Variants in PLEKHA2 observed in about 807,000 individuals in gnomAD.
The protein encoded by PLEKHA2 is pleckstrin homology domain-containing family A member 2.
Under a neutral mutation model 53.2 loss-of-function variants are expected in PLEKHA2, and 28 were observed. That is an observed-to-expected ratio of 0.53 (90% confidence interval 0.39 to 0.72). The LOEUF (loss-of-function observed/expected upper bound fraction) is 0.72. PLEKHA2 is among the 30% of genes least tolerant of loss of function. The probability of loss-of-function intolerance (pLI) is 0.00; values close to 1 mark genes in which losing one functional copy is unlikely to be tolerated. For missense variants in PLEKHA2, 426 were observed against 537.9 expected, an observed-to-expected ratio of 0.79 and a Z score of 2.06; for synonymous variants, 193 against 196.4, an observed-to-expected ratio of 0.98 and a Z score of 0.14.
intron 10 of PLEKHA2, among the ~76,000 whole-genome samples, chr8:38,965,679 G>A (rs1835122921): frequency 6.6e-6 from 1 of 152,104 alleles, no homozygotes. Flanking sequence ...CTTTGAGGTA[G>A]GAATTAGCTG....
Position 38,952,683 on chromosome 8 carries a change from C to A in PLEKHA2, c.681C>A (p.Ile227=), listed in dbSNP as rs1394940651. 1 of 1,612,194 alleles carries A rather than the reference C, an allele frequency of 6.2e-7. No individual in the cohort carries two copies. The highest frequency in any genetic ancestry group is 8.5e-7 in the Non-Finnish European group (1 of 1,179,798). ...RRFFALDDFT[I]CYFKCEQDRE... ...TCTTTGCACTTGATGACTTTACCATCTGCTACTTCAAGTGTGAGCAGGTTT... is the reference window on the plus strand; with the variant it reads ...TCTTTGCACTTGATGACTTTACCATATGCTACTTCAAGTGTGAGCAGGTTT... The change falls in exon 8 of 12, where the codon ATC becomes ATA. Residue 227 remains isoleucine (I), a synonymous_variant. Transcript: ENST00000617275.
intron 3 of PLEKHA2, among the ~76,000 whole-genome samples, chr8:38,937,448 G>A (rs1368251817): frequency 6.6e-6 from 1 of 152,194 alleles, no homozygotes; most frequent in East Asian, 1.9e-4. Flanking sequence ...GAACCTCGCA[G>A]TAATAAAGGA....
At chr8:38,948,669 G>C (rs1588265560) in intron 5 of PLEKHA2, among the ~76,000 whole-genome samples, 1 of 152,156 alleles carries the variant, frequency 6.6e-6, no homozygotes, top group East Asian at 1.9e-4. Context: ...TGACAGGGCT[G>C]TCATATAGCT....
intron 2 of PLEKHA2, among the ~76,000 whole-genome samples, chr8:38,919,697 C>A (rs567237512): frequency 6.6e-6 from 1 of 152,184 alleles, no homozygotes; most frequent in Non-Finnish European, 1.5e-5. Context: ...AGAAAAACAG[C>A]ATAGATGCGG....
intron 3 of PLEKHA2, among the ~76,000 whole-genome samples, chr8:38,942,947 G>A (rs189050783): frequency 2.1e-3 from 317 of 152,278 alleles, no homozygotes; most frequent in African/African-American, 7.2e-3. Flanking sequence ...TTATTTTCAT[G>A]GTTAGGCCAT....
intron 3 of PLEKHA2, 84 bp from the exon 4 acceptor site, chr8:38,943,703 CTT>C: frequency 1.9e-6 from 2 of 1,057,802 alleles, no homozygotes; most frequent in Non-Finnish European, 2.7e-6. Context: ...TTAATGTACT[CTT>C]TATATATGAG....
At chr8:38,914,452 C>T (rs545822215) in intron 1 of PLEKHA2, among the ~76,000 whole-genome samples, 13 of 152,332 alleles carry the variant, frequency 8.5e-5, no homozygotes, top group Admixed American at 2.6e-4. Flanking sequence ...CCTGCAGTAC[C>T]GGGGCTGTTG....
At chr8:38,953,504 C>A in intron 9 of PLEKHA2, 137 bp downstream of exon 9, 2 of 864,558 alleles carry the variant, frequency 2.3e-6, no homozygotes, top group Non-Finnish European at 1.9e-6. Context: ...CACCTTGTGG[C>A]TGACTCACTG....
At chr8:38,906,693 G>A (rs1210280841) in intron 1 of PLEKHA2, among the ~76,000 whole-genome samples, 1 of 152,222 alleles carries the variant, frequency 6.6e-6, no homozygotes, top group African/African-American at 2.4e-5. Flanking sequence ...GCAGTAGGAA[G>A]TGGAGGCTTC....
chr8:38,969,908 G>A lies in PLEKHA2; in HGVS notation c.*125G>A. Reference sequence around the variant, plus strand: ...TTATGTCACTCATATTCCTGTGGATGCTCTTTGGGAGGGAGGGGCCCATCC... The same window carrying A: ...TTATGTCACTCATATTCCTGTGGATACTCTTTGGGAGGGAGGGGCCCATCC... On this transcript the variant is annotated 3_prime_UTR_variant, in exon 12 of 12. Coordinates refer to ENST00000617275, the MANE Select transcript of PLEKHA2 (RefSeq NM_021623.2). 2 of 1,374,088 alleles carry A rather than the reference G, an allele frequency of 1.5e-6. No individual in the cohort carries two copies. Among genetic ancestry groups the A allele is most frequent in the South Asian group, 1.4e-5 (1 of 72,918 alleles). The allele number at this position is 1,374,088 out of a possible 1,614,324, so 85.1% of individuals were successfully genotyped here.
At chr8:38,926,923 A>G (rs1834299200) in intron 2 of PLEKHA2, among the ~76,000 whole-genome samples, 2 of 152,210 alleles carry the variant, frequency 1.3e-5, no homozygotes, top group Admixed American at 1.3e-4. Context: ...CTCAAAAAAA[A>G]CCAACCAACC....
intron 9 of PLEKHA2, among the ~76,000 whole-genome samples, chr8:38,954,808 G>A (rs1056064195): frequency 7.2e-5 from 11 of 152,220 alleles, no homozygotes; most frequent in South Asian, 2.1e-4. Flanking sequence ...CGAGGCGGGC[G>A]GATCACCTGA....
intron 1 of PLEKHA2, among the ~76,000 whole-genome samples, chr8:38,907,648 C>T (rs1436976786): frequency 6.6e-6 from 1 of 151,930 alleles, no homozygotes; most frequent in East Asian, 1.9e-4. Flanking sequence ...GTAGTCCCAG[C>T]CACTCAGGAG....
intron 1 of PLEKHA2, among the ~76,000 whole-genome samples, chr8:38,915,307 A>G (rs1834039112): frequency 6.6e-6 from 1 of 152,214 alleles, no homozygotes; most frequent in Non-Finnish European, 1.5e-5. Flanking sequence ...TAGGCTGCTC[A>G]GGCCATCATA....
chr8:38,933,543 CA>C (rs1834431998), intron 2 of PLEKHA2, among the ~76,000 whole-genome samples: 2 of 151,994 alleles, frequency 1.3e-5, no homozygotes, highest in Admixed American at 6.6e-5. Context: ...AAAATGAGGT[CA>C]GGGGTGGTGG....
intron 3 of PLEKHA2, among the ~76,000 whole-genome samples, chr8:38,940,894 T>TTA (rs147708646): frequency 0.25 from 31,003 of 124,710 alleles, 3,458 homozygotes; most frequent in Non-Finnish European, 0.32. Flanking sequence ...TAATTGGCTA[T>TTA]TATATATATA....
intron 3 of PLEKHA2, among the ~76,000 whole-genome samples, chr8:38,942,795 T>C (rs960838204): frequency 6.6e-6 from 1 of 152,170 alleles, no homozygotes; most frequent in African/African-American, 2.4e-5. Context: ...GGAGTGTACA[T>C]GCCAGGGGTA....
chr8:38,955,489 C>G (rs1834922715), intron 9 of PLEKHA2, among the ~76,000 whole-genome samples: 1 of 152,172 alleles, frequency 6.6e-6, no homozygotes, highest in Non-Finnish European at 1.5e-5. Context: ...AGTGACCAGC[C>G]TGATCAAGGG....
rs146852146 is a variant in PLEKHA2, at chr8:38,959,356, G to T, written c.837+1970G>T. ...GGAGCAAAGGGCCAAAAGGAGGCTG[G>T]ACAGTTAGGCACGGAGGACCCTCAT... On this transcript the variant is annotated intron_variant, in intron 10 of 11. Transcript: ENST00000617275. 2.3e-4 allele frequency among the ~76,000 whole-genome samples: 35 copies of T among 152,264 alleles called. No homozygotes were observed. The East Asian group carries it at 6.7e-3, about 29-fold the overall frequency.
Sources: gnomAD v4.1 joint callset for allele counts (sites outside exome capture counted in the v4.1 genomes callset) on GRCh38, gnomAD v4.1.1 for gene constraint, MANE v1.5 for transcripts, NCBI Gene and HGNC (gene_info 2026-07-23, HGNC 2026-07-21) for gene names.